Variants in CBR4 observed in about 807,000 individuals in gnomAD.
The protein encoded by CBR4 is 3-oxoacyl-[acyl-carrier-protein] reductase.
In CBR4, 22 loss-of-function variants were observed where a neutral mutation model predicts 21.0. That is an observed-to-expected ratio of 1.05 (90% CI 0.75 to 1.50). The LOEUF is 1.50. CBR4 is among the 40% of genes most tolerant of loss of function. The pLI is 0.00. For synonymous variants in CBR4, 100 were observed against 104.4 expected (o/e 0.96, Z 0.26); for missense variants, 302 against 286.3 (o/e 1.05, Z -0.40).
intron 2 of CBR4, among the ~76,000 whole-genome samples, chr4:168,964,546 G>A (rs1023020120): frequency 5.9e-5 from 9 of 152,108 alleles, no homozygotes; most frequent in African/African-American, 1.9e-4. Context: ...TCATATCAAA[G>A]AAACCCAGCC....
In CBR4 at chr4:168,989,118, T is replaced by C. The variant is rs1246812493; in HGVS notation, c.*1032A>G. ...AGACATTTAATTTAATGTTATTGCA[T>C]ATTTATTTATTTTTTATGCTTATTC... On this transcript the variant is annotated 3_prime_UTR_variant, in exon 5 of 5. Coordinates refer to ENST00000306193, the MANE Select transcript of CBR4 (RefSeq NM_032783.5). 1.3e-5 allele frequency: 13 copies of C among 975,896 alleles called. No homozygotes were observed. The highest frequency in any genetic ancestry group is 8.5e-6 in the Non-Finnish European group (7 of 821,332). The allele number at this position is 975,896 out of a possible 1,614,324, so 60.5% of individuals were successfully genotyped here.
intron 2 of CBR4, among the ~76,000 whole-genome samples, chr4:168,937,033 A>T (rs1763131327): frequency 6.6e-6 from 1 of 152,200 alleles, no homozygotes; most frequent in Admixed American, 6.5e-5. Context: ...CGGCAGCCAG[A>T]GAGAAAGATC....
chr4:168,917,466 G>A (rs1189222568), intron 2 of CBR4, among the ~76,000 whole-genome samples: 1 of 152,188 alleles, frequency 6.6e-6, no homozygotes, highest in East Asian at 1.9e-4. Flanking sequence ...TCTCAAAGGA[G>A]TTTAGGGAAA....
Position 169,002,213 on chromosome 4 carries a change from A to C in CBR4, c.401-8T>G, listed in dbSNP as rs1424587411. 1 of 62,922 alleles carries C rather than the reference A, an allele frequency of 1.6e-5. No individual in the cohort carries two copies. 3.9% of individuals were successfully genotyped at this position (62,922 alleles called of 1,614,324 possible). A position where few individuals can be genotyped will look rare whatever the true frequency, so the allele number is the denominator to read the frequency against. On this transcript the variant is annotated splice_polypyrimidine_tract_variant and splice_region_variant and intron_variant, in intron 3 of 4. Coordinates refer to ENST00000306193, the MANE Select transcript of CBR4 (RefSeq NM_032783.5). ...TTAAGCCAACAATGCTTCCTAGGAC[A>C]AAAAAAAAAAAAAAAAAAAAAAAAG...
chr4:168,990,127 C>T lies in CBR4; in HGVS notation c.*23G>A. Reference sequence around the variant, plus strand: ...AAGTGTGCCCTTGATGCTAATCACCCCTATAACTGAATAATCTGCAAATTA... The same window carrying T: ...AAGTGTGCCCTTGATGCTAATCACCTCTATAACTGAATAATCTGCAAATTA... On this transcript the variant is annotated 3_prime_UTR_variant, in exon 5 of 5. Transcript: ENST00000306193. 1 of 1,582,320 alleles carries T rather than the reference C, an allele frequency of 6.3e-7. No individual in the cohort carries two copies.
At chr4:168,975,828 T>C (rs1280690673) in intron 2 of CBR4, among the ~76,000 whole-genome samples, 3 of 152,146 alleles carry the variant, frequency 2.0e-5, no homozygotes, top group Non-Finnish European at 4.4e-5. Context: ...AGGGGGATTA[T>C]GGCTGCCTCT....
chr4:168,937,423 C>T (rs1007241297), intron 2 of CBR4, among the ~76,000 whole-genome samples: 7 of 152,046 alleles, frequency 4.6e-5, no homozygotes, highest in African/African-American at 1.7e-4. Context: ...AAATAACCAG[C>T]TAGCATCATA....
chr4:168,993,600 T>C (rs1765030477), intron 4 of CBR4, among the ~76,000 whole-genome samples: 1 of 152,200 alleles, frequency 6.6e-6, no homozygotes, highest in African/African-American at 2.4e-5. Context: ...GAATAAAAAT[T>C]GTCAAAAACA....
intron 3 of CBR4, among the ~76,000 whole-genome samples, chr4:169,003,976 G>A (rs562350203): frequency 9.5e-4 from 145 of 152,238 alleles, no homozygotes; most frequent in African/African-American, 3.4e-3. Context: ...GGATAGCATT[G>A]GGAGATATAC....
intron 2 of CBR4, chr4:168,898,803 T>C: frequency 1.2e-6 from 1 of 833,476 alleles, no homozygotes; most frequent in Non-Finnish European, 2.1e-6. Flanking sequence ...GAGAAAGAGA[T>C]ACAAATGATC....
At chr4:168,972,982 T>A (rs1764257309) in intron 2 of CBR4, among the ~76,000 whole-genome samples, 1 of 152,248 alleles carries the variant, frequency 6.6e-6, no homozygotes, top group African/African-American at 2.4e-5. Flanking sequence ...GTTTTACTCA[T>A]AAAAAGCTGC....
intron 2 of CBR4, among the ~76,000 whole-genome samples, chr4:168,921,103 T>G (rs909874025): frequency 2.1e-4 from 32 of 152,122 alleles, no homozygotes; most frequent in African/African-American, 6.5e-4. Flanking sequence ...TAACATGAGC[T>G]GATACTAAAA....
intron 2 of CBR4, among the ~76,000 whole-genome samples, chr4:168,957,155 T>C (rs1763711868): frequency 6.6e-6 from 1 of 152,180 alleles, no homozygotes; most frequent in Non-Finnish European, 1.5e-5. Flanking sequence ...GAATATATTC[T>C]GAACACTACA....
rs1324732776 is a variant in CBR4, at chr4:168,959,872, A to AT, written n.169+42198dup. On this transcript the variant is annotated intron_variant and non_coding_transcript_variant, in intron 2 of 3. Coordinates refer to the CBR4 transcript ENST00000509108. ...GCCACCACGCCCAGCCTCAATTTCT[A>AT]TTAAAAAAAAAAAAAAACCTTCTGA... 8.6e-3 allele frequency among the ~76,000 whole-genome samples: 664 copies of AT among 77,316 alleles called. 4 individuals are homozygous for AT. The highest frequency in any genetic ancestry group is 0.017 in the Non-Finnish European group (530 of 31,598). 50.7% of individuals were successfully genotyped at this position (77,316 alleles called of 152,430 possible).
At chr4:168,940,002 A>G (rs1406805127) in intron 2 of CBR4, among the ~76,000 whole-genome samples, 4 of 152,242 alleles carry the variant, frequency 2.6e-5, no homozygotes, top group African/African-American at 4.8e-5. Context: ...AGCAAAAAGA[A>G]TAAAGCTGGA....
At chr4:168,907,278 A>T (rs1271031801) in intron 2 of CBR4, among the ~76,000 whole-genome samples, 1 of 152,242 alleles carries the variant, frequency 6.6e-6, no homozygotes. Flanking sequence ...CCTACAACAG[A>T]AGCCTGTGGA....
chr4:168,963,937 A>G (rs551385763), intron 2 of CBR4, among the ~76,000 whole-genome samples: 2 of 152,290 alleles, frequency 1.3e-5, no homozygotes, highest in East Asian at 3.9e-4. Flanking sequence ...GTCATGCCCA[A>G]GAACAGTTGG....
chr4:168,942,070 C>T (rs1763279491), intron 2 of CBR4, among the ~76,000 whole-genome samples: 1 of 152,100 alleles, frequency 6.6e-6, no homozygotes, highest in South Asian at 2.1e-4. Flanking sequence ...AGAATGAGTT[C>T]ATGTCCTTTG....
chr4:168,923,078 C>T (rs1038856324), intron 2 of CBR4, among the ~76,000 whole-genome samples: 15 of 152,218 alleles, frequency 9.9e-5, no homozygotes, highest in Non-Finnish European at 1.9e-4. Flanking sequence ...GTACCCTGCA[C>T]AGCAATGCTG....
Sources: allele counts gnomAD v4.1 joint callset (sites outside exome capture counted in the v4.1 genomes callset), GRCh38; gene constraint gnomAD v4.1.1; transcripts MANE v1.5; gene names NCBI Gene and HGNC (gene_info 2026-07-23, HGNC 2026-07-21).